The following MICAL2 variants were observed in gnomAD, a reference collection of about 807,000 sequenced individuals.
MICAL2 encodes the protein microtubule associated monooxygenase, calponin and LIM domain containing 2.
Under a neutral mutation model 127.3 loss-of-function variants are expected in MICAL2, and 77 were observed. That is an observed-to-expected ratio of 0.60 (90% CI 0.50 to 0.73). The LOEUF is 0.73. Ranked by LOEUF, MICAL2 falls within the 30% of genes least tolerant of loss-of-function variation. The probability of loss-of-function intolerance (pLI) is 0.00; values close to 1 mark genes in which losing one functional copy is unlikely to be tolerated. For synonymous variants in MICAL2, 570 were observed against 551.1 expected (o/e 1.03, Z -0.48); for missense variants, 1,351 against 1,434.4 (o/e 0.94, Z 0.94).
downstream of MICAL2, among the ~76,000 whole-genome samples, chr11:12,266,051 G>A (rs1863607756): frequency 6.6e-6 from 1 of 152,210 alleles, no homozygotes; most frequent in Non-Finnish European, 1.5e-5. Context: ...GGCAGAGGTT[G>A]CAGTGAGCTG....
At chr11:12,278,641 C>T (rs1207967366) in intron 1 of MICAL2, among the ~76,000 whole-genome samples, 3 of 152,080 alleles carry the variant, frequency 2.0e-5, no homozygotes, top group East Asian at 1.9e-4. Flanking sequence ...ATGAAGCAGG[C>T]GTGTGTGAGG....
At chr11:12,198,354 C>A (rs1277799308) in intron 3 of MICAL2, among the ~76,000 whole-genome samples, 1 of 152,214 alleles carries the variant, frequency 6.6e-6, no homozygotes, top group African/African-American at 2.4e-5. Flanking sequence ...TAAGTGTTAA[C>A]CCCATCTCTC....
chr11:12,318,145 C>G (rs16911076), intron 29 of MICAL2, among the ~76,000 whole-genome samples: 4,979 of 152,300 alleles, frequency 0.033, 177 homozygotes, highest in Admixed American at 0.1. Context: ...AATATACCGG[C>G]ATTGCGCTAG....
chr11:12,267,287 C>T (rs184890788), downstream of MICAL2, among the ~76,000 whole-genome samples: 3 of 152,324 alleles, frequency 2.0e-5, no homozygotes, highest in Admixed American at 6.5e-5. Flanking sequence ...GCATGTCCAG[C>T]CCAAATGTCC....
chr11:12,158,089 T>G (rs1422657448), intron 2 of MICAL2, among the ~76,000 whole-genome samples: 1 of 152,152 alleles, frequency 6.6e-6, no homozygotes, highest in Non-Finnish European at 1.5e-5. Flanking sequence ...TGAAGCTTTT[T>G]GAGTGCTGAC....
At chr11:12,297,909 T>C (rs1430397786) in intron 29 of MICAL2, among the ~76,000 whole-genome samples, 7 of 151,892 alleles carry the variant, frequency 4.6e-5, no homozygotes, top group Non-Finnish European at 1.5e-5. Flanking sequence ...ATTTCTAATT[T>C]TATGTATTTA....
intron 15 of MICAL2, among the ~76,000 whole-genome samples, chr11:12,233,586 C>A (rs919251467): frequency 6.6e-6 from 1 of 152,128 alleles, no homozygotes; most frequent in Non-Finnish European, 1.5e-5. Context: ...TGGCAGATAT[C>A]TACGTCTTTG....
intron 29 of MICAL2, among the ~76,000 whole-genome samples, chr11:12,318,911 G>A (rs977397640): frequency 2.6e-5 from 4 of 152,162 alleles, no homozygotes; most frequent in African/African-American, 9.7e-5. Context: ...TTCAGAGACT[G>A]GCATATCTCC....
chr11:12,208,084 T>A lies in MICAL2; in HGVS notation c.534T>A (p.His178Gln), dbSNP rs1854962404. 1.2e-6 allele frequency: 2 copies of A among 1,614,100 alleles called. No individual in the cohort carries two copies. Among genetic ancestry groups the A allele is most frequent in the Admixed American group, 1.7e-5 (1 of 60,010 alleles). ...CCCTGATGCTGGGAGTTGAAATCCA[T>A]GTGAATGTGGAGTTCGTGAAGGTTC... is the stretch of plus-strand genomic sequence containing the variant. ...KVALMLGVEI[H>Q]VNVEFVKVLE... The change falls in exon 5 of 28, where the codon CAT (histidine) becomes CAA (glutamine). Residue 178 changes from histidine to glutamine, a missense_variant. By Grantham distance (24) the His-to-Gln change is conservative. Coordinates refer to ENST00000683283, the MANE Select transcript of MICAL2 (RefSeq NM_001282663.2).
chr11:12,287,896 C>T (rs1863846479), downstream of MICAL2, among the ~76,000 whole-genome samples: 1 of 152,166 alleles, frequency 6.6e-6, no homozygotes, highest in African/African-American at 2.4e-5. Flanking sequence ...CTGCCTTCCA[C>T]CTCCCCCCAC....
At chr11:12,155,771 C>G (rs1302372414) in intron 2 of MICAL2, among the ~76,000 whole-genome samples, 1 of 152,242 alleles carries the variant, frequency 6.6e-6, no homozygotes, top group Non-Finnish European at 1.5e-5. Context: ...TAGGTTAACA[C>G]TGGTGAGAGT....
chr11:12,128,311 T>G (rs1851118568), intron 1 of MICAL2, among the ~76,000 whole-genome samples: 1 of 152,254 alleles, frequency 6.6e-6, no homozygotes, highest in Non-Finnish European at 1.5e-5. Context: ...TTATCAAGAC[T>G]GCAACATGCC....
At chr11:12,258,129 G>T (rs1862577370) in intron 24 of MICAL2, among the ~76,000 whole-genome samples, 1 of 152,196 alleles carries the variant, frequency 6.6e-6, no homozygotes, top group Non-Finnish European at 1.5e-5. Context: ...GAGGCATGGG[G>T]TGTGGTATGG....
At chr11:12,286,479 G>T (rs573786160) in intron 2 of MICAL2, among the ~76,000 whole-genome samples, 3 of 152,180 alleles carry the variant, frequency 2.0e-5, no homozygotes, top group African/African-American at 7.2e-5. Flanking sequence ...ATGCATATAC[G>T]CATAGATGCA....
intron 26 of MICAL2, chr11:12,260,567 T>C: frequency 1.0e-6 from 1 of 997,948 alleles, no homozygotes; most frequent in South Asian, 4.7e-5. Context: ...GCCTGCAAAG[T>C]GGATGATTTA....
At chr11:12,354,779 C>T (rs752372201) in intron 33 of MICAL2, 17 of 1,613,586 alleles carry the variant, frequency 1.1e-5, no homozygotes, top group Non-Finnish European at 1.4e-5. Context: ...CATTTTCTCA[C>T]CCAGGGCCCA....
At position 12,226,219 on chromosome 11, in the gene MICAL2, C is replaced by A. The variant is rs754326645; in HGVS notation, c.1737C>A (p.Leu579=). 6.2e-7 allele frequency: 1 copy of A among 1,614,204 alleles called. No individual in the cohort carries two copies. The highest frequency in any genetic ancestry group is 1.3e-5 in the African/African-American group (1 of 75,046). Residue 579 remains leucine (L), a synonymous_variant, in exon 14 of 28, where the codon CTC becomes CTA. Transcript: ENST00000683283. ...NEDDAVENNQ[L]AFDVAEREFG... ...ATGATGCTGTGGAGAACAACCAGCT[C>A]GCATTTGATGTGGCCGAGCGAGAGT...
At chr11:12,337,592 G>C (rs1007406515) in intron 32 of MICAL2, among the ~76,000 whole-genome samples, 25 of 151,956 alleles carry the variant, frequency 1.6e-4, no homozygotes, top group Admixed American at 1.6e-3. Context: ...TGGGCATTTA[G>C]TGCTATAAAT....
upstream of MICAL2, among the ~76,000 whole-genome samples, chr11:12,273,010 C>A (rs763453484): frequency 6.6e-6 from 1 of 152,176 alleles, no homozygotes; most frequent in Non-Finnish European, 1.5e-5. Context: ...AAAGTCACAG[C>A]GTAAAGCGCA....
Sources: allele counts gnomAD v4.1 joint callset (sites outside exome capture counted in the v4.1 genomes callset), GRCh38; gene constraint gnomAD v4.1.1; transcripts MANE v1.5; gene names NCBI Gene and HGNC (gene_info 2026-07-23, HGNC 2026-07-21).